PCBP2: variants seen among roughly 807,000 people sequenced by gnomAD.
PCBP2 encodes poly(rC) binding protein 2.
Under a neutral mutation model 50.1 loss-of-function variants are expected in PCBP2, and 4 were observed. The ratio of observed to expected loss-of-function variants is 0.08; its 90% CI spans 0.04 to 0.18. PCBP2 has a LOEUF of 0.18. Among genes scored for constraint, PCBP2 ranks in the 10% least tolerant of loss-of-function variants. The pLI is 1.00. For synonymous variants in PCBP2, 179 were observed against 168.0 expected, an observed-to-expected ratio of 1.07 and a Z score of -0.51; for missense variants, 161 against 474.3, an observed-to-expected ratio of 0.34 and a Z score of 6.14.
intron 5 of PCBP2, among the ~76,000 whole-genome samples, chr12:53,458,416 C>T (rs566562761): frequency 1.2e-3 from 183 of 152,018 alleles, no homozygotes; most frequent in Non-Finnish European, 2.0e-3. Context: ...AGCGATTCTC[C>T]TGCCTCAGTC....
chr12:53,466,693 A>G (rs547967393), intron 10 of PCBP2, among the ~76,000 whole-genome samples: 2 of 152,318 alleles, frequency 1.3e-5, no homozygotes, highest in South Asian at 4.1e-4. Context: ...GACAGTTTAT[A>G]TAGATGAATA....
chr12:53,468,917 CTT>C (rs5798266), intron 13 of PCBP2, 85 bp downstream of exon 13: 5,785 of 565,732 alleles, frequency 0.01, no homozygotes, highest in East Asian at 0.013. Flanking sequence ...TCCTGCTACC[CTT>C]TTTTTTTTTT....
intron 14 of PCBP2, among the ~76,000 whole-genome samples, chr12:53,479,172 T>A (rs1942879224): frequency 6.6e-6 from 1 of 152,190 alleles, no homozygotes; most frequent in African/African-American, 2.4e-5. Context: ...GAACATAGTT[T>A]GAGGGACATT....
intron 14 of PCBP2, among the ~76,000 whole-genome samples, chr12:53,474,189 G>A (rs1049878472): frequency 1.3e-5 from 2 of 152,190 alleles, no homozygotes; most frequent in Non-Finnish European, 2.9e-5. Context: ...TTAGAAGTAT[G>A]ATCAGTCAGA....
In PCBP2 at chr12:53,462,489, C is replaced by T. The variant is rs1465478244; in HGVS notation, c.505-4C>T. 1 of 1,609,052 alleles carries T rather than the reference C, an allele frequency of 6.2e-7. No individual in the cohort carries two copies. Among genetic ancestry groups the T allele is most frequent in the South Asian group, 1.1e-5 (1 of 90,616 alleles). Reference sequence around the variant, plus strand: ...TGTTTTTTTCCCCTCTGACTCTCTCCCAGTCCCCCCCGAAGGGCGTGACCA... The same window carrying T: ...TGTTTTTTTCCCCTCTGACTCTCTCTCAGTCCCCCCCGAAGGGCGTGACCA... On this transcript the variant is annotated splice_region_variant and splice_polypyrimidine_tract_variant and intron_variant, in intron 7 of 14. Transcript: ENST00000546463.
intron 14 of PCBP2, among the ~76,000 whole-genome samples, chr12:53,472,463 A>C (rs1475114663): frequency 1.3e-5 from 2 of 152,222 alleles, no homozygotes; most frequent in Admixed American, 1.3e-4. Context: ...TCTCAATTTT[A>C]GGACACTGTT....
At chr12:53,465,253 C>G (rs1311064697) in intron 9 of PCBP2, among the ~76,000 whole-genome samples, 1 of 151,926 alleles carries the variant, frequency 6.6e-6, no homozygotes, top group Non-Finnish European at 1.5e-5. Flanking sequence ...TTTCCCTACC[C>G]CATTGCCCTG....
intron 4 of PCBP2, 22 bp from the exon 5 acceptor site, chr12:53,455,863 T>C: frequency 6.7e-7 from 1 of 1,491,508 alleles, no homozygotes; most frequent in Non-Finnish European, 9.4e-7. Context: ...TTAACTTCTT[T>C]TGGATCTTGT....
Position 53,460,847 on chromosome 12 carries a change from A to C in PCBP2, c.376-168A>C, listed in dbSNP as rs1214074964. The C allele has an allele frequency of 8.0e-6, 5 of 627,590 alleles. No individual in the cohort carries two copies. In the Admixed American group the frequency reaches 1.6e-4, roughly 20 times the overall value. 38.9% of individuals were successfully genotyped at this position (627,590 alleles called of 1,614,324 possible). A position where few individuals can be genotyped will look rare whatever the true frequency, so the allele number is the denominator to read the frequency against. ...GCTAATTTATTTTTAACTCTAATTC[A>C]CTAAACAGTCCTATCTGGAATAAGG... On this transcript the variant is annotated intron_variant, in intron 6 of 14. Coordinates refer to ENST00000546463, the MANE Select transcript of PCBP2 (RefSeq NM_031989.5).
intron 7 of PCBP2, among the ~76,000 whole-genome samples, chr12:53,461,931 A>AC (rs1387505825): frequency 2.0e-5 from 3 of 150,296 alleles, no homozygotes; most frequent in African/African-American, 7.4e-5. Context: ...CTGGTCTTGA[A>AC]CTCCTGAGCT....
intron 13 of PCBP2, among the ~76,000 whole-genome samples, chr12:53,471,225 G>A (rs1220683690): frequency 1.3e-5 from 2 of 151,890 alleles, no homozygotes; most frequent in African/African-American, 4.8e-5. Context: ...TTCGAAAATG[G>A]CTTAAACCAA....
At chr12:53,471,844 CA>C (rs1217806184) in intron 14 of PCBP2, 37 bp downstream of exon 14, 2 of 1,580,678 alleles carry the variant, frequency 1.3e-6, no homozygotes, top group East Asian at 2.2e-5. Context: ...TTTATGCCAA[CA>C]CAGTAATGTG....
chr12:53,460,380 C>T (rs534968172), intron 6 of PCBP2: 5 of 402,194 alleles, frequency 1.2e-5, no homozygotes, highest in African/African-American at 2.1e-5. Flanking sequence ...CCTGAGCTTC[C>T]GATGATTCGA....
chr12:53,462,613 T>A (rs753739140), intron 8 of PCBP2, 46 bp downstream of exon 8: 2 of 1,506,642 alleles, frequency 1.3e-6, no homozygotes, highest in Non-Finnish European at 1.8e-6. Context: ...GAGATTATAT[T>A]TGAAATGTCA....
intron 5 of PCBP2, among the ~76,000 whole-genome samples, chr12:53,458,965 C>T (rs1172879162): frequency 6.6e-6 from 1 of 152,090 alleles, no homozygotes; most frequent in Non-Finnish European, 1.5e-5. Context: ...TTGACATCAT[C>T]TTTTTTCCCC....
chr12:53,481,162 A>C lies in PCBP2; in HGVS notation c.*1720A>C. ...AATTTATATAAATATTTCTCTATGT[A>C]CAAGGAATACGAGTGGCTTTCATGG... On this transcript the variant is annotated 3_prime_UTR_variant, in exon 15 of 15. Transcript: ENST00000546463. 1 of 1,320,032 alleles carries C rather than the reference A, an allele frequency of 7.6e-7. No homozygotes were observed. Among genetic ancestry groups the C allele is most frequent in the Non-Finnish European group, 1.0e-6 (1 of 997,332 alleles). 81.8% of individuals were successfully genotyped at this position (1,320,032 alleles called of 1,614,324 possible).
At chr12:53,459,186 C>G in intron 5 of PCBP2, 86 bp from the exon 6 acceptor site, 1 of 1,226,594 alleles carries the variant, frequency 8.2e-7, no homozygotes, top group Non-Finnish European at 1.1e-6. Flanking sequence ...AATAAGATCA[C>G]TTACCCTAAT....
intron 6 of PCBP2, chr12:53,460,297 G>A: frequency 3.3e-6 from 1 of 306,358 alleles, no homozygotes; most frequent in South Asian, 2.4e-5. Context: ...GCTCCACAAT[G>A]CCCGGCTAAT....
Position 53,459,313 on chromosome 12 carries a change from A to G in PCBP2, c.285A>G (p.Arg95=), listed in dbSNP as rs746536304. Residue 95 remains arginine, a synonymous_variant, in exon 6 of 15, where the codon AGA becomes AGG. Coordinates refer to ENST00000546463, the MANE Select transcript of PCBP2 (RefSeq NM_031989.5). ...SSMTNSTAAS[R]PPVTLRLVVP... is the part of the protein sequence containing the mutation. ...TGACCAATAGCACAGCTGCCAGTAGACCCCCGGTCACCCTGAGGCTGGTGG... is the reference window on the plus strand; with the variant it reads ...TGACCAATAGCACAGCTGCCAGTAGGCCCCCGGTCACCCTGAGGCTGGTGG... 3 of 1,612,856 alleles carry G rather than the reference A, an allele frequency of 1.9e-6. No homozygotes were observed. The South Asian group carries it at 3.3e-5, about 18-fold the overall frequency.
Sources: allele counts gnomAD v4.1 joint callset (sites outside exome capture counted in the v4.1 genomes callset), GRCh38; gene constraint gnomAD v4.1.1; transcripts MANE v1.5; gene names NCBI Gene and HGNC (gene_info 2026-07-23, HGNC 2026-07-21).